The following INPP4B variants were observed in gnomAD, a reference collection of about 807,000 sequenced individuals.
INPP4B encodes the protein inositol polyphosphate 4-phosphatase type II.
Under a neutral mutation model 122.5 loss-of-function variants are expected in INPP4B, and 55 were observed. The observed-to-expected ratio is 0.45, with a 90% CI of 0.36 to 0.56. The LOEUF (loss-of-function observed/expected upper bound fraction) is 0.56. Ranked by LOEUF, INPP4B falls within the 20% of genes least tolerant of loss-of-function variation. INPP4B has a pLI of 0.00. For synonymous variants in INPP4B, 403 were observed against 388.7 expected, an observed-to-expected ratio of 1.04 and a Z score of -0.43; for missense variants, 1,000 against 1,097.7, an observed-to-expected ratio of 0.91 and a Z score of 1.26.
intron 2 of INPP4B, among the ~76,000 whole-genome samples, chr4:142,691,098 G>C (rs1760105543): frequency 6.6e-6 from 1 of 152,056 alleles, no homozygotes; most frequent in African/African-American, 2.4e-5. Context: ...ATTCCCACGA[G>C]ACCATGGAGC....
At chr4:142,125,598 A>C (rs1798307775) in intron 18 of INPP4B, among the ~76,000 whole-genome samples, 1 of 152,094 alleles carries the variant, frequency 6.6e-6, no homozygotes. Flanking sequence ...TATCTTCCTG[A>C]CAAATGCTTT....
chr4:142,417,049 G>C (rs557847039), intron 5 of INPP4B, among the ~76,000 whole-genome samples: 51 of 152,204 alleles, frequency 3.4e-4, no homozygotes, highest in African/African-American at 1.1e-3. Context: ...GGAAAGAGTA[G>C]TTCTAAGAGG....
intron 3 of INPP4B, among the ~76,000 whole-genome samples, chr4:142,434,409 A>G (rs938216721): frequency 6.6e-6 from 1 of 152,166 alleles, no homozygotes; most frequent in African/African-American, 2.4e-5. Context: ...CATTGCAAAT[A>G]TAGGAGGAAC....
intron 2 of INPP4B, among the ~76,000 whole-genome samples, chr4:142,659,827 C>G (rs1754835341): frequency 6.6e-6 from 1 of 152,118 alleles, no homozygotes; most frequent in African/African-American, 2.4e-5. Flanking sequence ...GAGGAGGACT[C>G]AATTCCACAG....
At chr4:142,557,031 C>A (rs2150102793) in intron 2 of INPP4B, among the ~76,000 whole-genome samples, 1 of 152,244 alleles carries the variant, frequency 6.6e-6, no homozygotes, top group Non-Finnish European at 1.5e-5. Context: ...TAGCCAACCT[C>A]CAATATTATA....
chr4:142,422,904 C>CAAGG (rs1298214224), intron 5 of INPP4B, among the ~76,000 whole-genome samples: 1 of 152,042 alleles, frequency 6.6e-6, no homozygotes, highest in Non-Finnish European at 1.5e-5. Flanking sequence ...TAAAATAAGG[C>CAAGG]AAGCACAGGC....
At chr4:142,415,746 A>T (rs933479236) in intron 5 of INPP4B, among the ~76,000 whole-genome samples, 1 of 152,174 alleles carries the variant, frequency 6.6e-6, no homozygotes, top group African/African-American at 2.4e-5. Context: ...AAGACTTGGA[A>T]CCAACCCAAA....
intron 1 of INPP4B, among the ~76,000 whole-genome samples, chr4:142,811,415 G>A (rs1239477102): frequency 6.6e-6 from 1 of 152,174 alleles, no homozygotes; most frequent in African/African-American, 2.4e-5. Context: ...AAGACATTAT[G>A]CCAGCCACCC....
intron 25 of INPP4B, among the ~76,000 whole-genome samples, chr4:142,057,818 C>A (rs1028724204): frequency 1.3e-5 from 2 of 152,114 alleles, no homozygotes; most frequent in African/African-American, 4.8e-5. Context: ...ACAGTGCCTA[C>A]AATTTAGCAA....
At chr4:142,253,030 T>A (rs777972688) in intron 11 of INPP4B, among the ~76,000 whole-genome samples, 1 of 152,210 alleles carries the variant, frequency 6.6e-6, no homozygotes, top group Non-Finnish European at 1.5e-5. Context: ...ATCTGTATAG[T>A]ATGTTACTGT....
In INPP4B at chr4:142,405,277, G is replaced by C. The variant is rs1370821015; in HGVS notation, c.184C>G (p.Leu62Val). 1.2e-6 allele frequency: 2 copies of C among 1,613,664 alleles called. No homozygotes were observed. Among genetic ancestry groups the C allele is most frequent in the Non-Finnish European group, 1.7e-6 (2 of 1,179,708 alleles). Residue 62 changes from leucine (L) to valine (V), a missense_variant, in exon 6 of 26, where the codon CTG becomes GTG. By Grantham distance (32) the Leu-to-Val change is conservative (BLOSUM62 1). Transcript: ENST00000262992. The part of the protein sequence containing the change: ...APVRDRKLNT[L>V]VQISVIHPVE... ...GGGTGGATTACGGAGATCTGCACCA[G>C]TGTATTCAGTTTACGATCACGGACA...
chr4:142,352,142 C>G (rs1386983470), intron 7 of INPP4B, among the ~76,000 whole-genome samples: 4 of 151,886 alleles, frequency 2.6e-5, no homozygotes, highest in South Asian at 2.1e-4. Flanking sequence ...TCCCTCCTGT[C>G]TGCCCAGCGA....
Position 142,118,565 on chromosome 4 carries a change from T to C in INPP4B, c.2135+3563A>G, listed in dbSNP as rs555205706. ...GGGAAAGGATTCCCTATTTAATAAA[T>C]GGTGCTGGGAAAACTGGCTAGCCAT... On this transcript the variant is annotated intron_variant, in intron 21 of 25. Coordinates refer to ENST00000262992, the MANE Select transcript of INPP4B (RefSeq NM_001101669.3). Among the ~76,000 whole-genome samples the C allele has an allele frequency of 3.9e-5, 6 of 152,238 alleles. No individual in the cohort carries two copies. The South Asian group carries it at 1.0e-3, about 26-fold the overall frequency.
At chr4:142,518,298 T>G (rs1825660187) in intron 2 of INPP4B, among the ~76,000 whole-genome samples, 1 of 152,106 alleles carries the variant, frequency 6.6e-6, no homozygotes, top group African/African-American at 2.4e-5. Flanking sequence ...GACAGTTCTA[T>G]CCACATAACC....
At chr4:142,102,953 C>T (rs1042044949) in intron 23 of INPP4B, among the ~76,000 whole-genome samples, 7 of 152,058 alleles carry the variant, frequency 4.6e-5, no homozygotes, top group African/African-American at 1.2e-4. Context: ...GATTCTATTG[C>T]GTTCAGCTTA....
intron 25 of INPP4B, among the ~76,000 whole-genome samples, chr4:142,063,445 A>G (rs28575818): frequency 0.026 from 3,886 of 152,272 alleles, 185 homozygotes; most frequent in African/African-American, 0.089. Context: ...AGATTCTTCC[A>G]AGACTCTTTT....
At position 142,173,698 on chromosome 4, in the gene INPP4B, C is replaced by A. The variant is rs759494292; in HGVS notation, c.1293G>T (p.Leu431=). The A allele has an allele frequency of 1.2e-6, 2 of 1,613,040 alleles. No homozygotes were observed. The highest frequency in any genetic ancestry group is 2.7e-5 in the African/African-American group (2 of 74,828). Residue 431 remains leucine, a synonymous_variant, in exon 16 of 26, where the codon CTG becomes CTT. Transcript: ENST00000262992. ...QPLIATHADL[L]LNSASQHSPD... ...GAGAATGCTGGCTTGCAGAATTAAG[C>A]AGTAGGTCTGCATGGGTTGCTATAA...
intron 7 of INPP4B, among the ~76,000 whole-genome samples, chr4:142,366,960 G>A (rs952798310): frequency 1.3e-5 from 2 of 152,124 alleles, no homozygotes; most frequent in Non-Finnish European, 2.9e-5. Context: ...GATGCAAGAA[G>A]TGCTAGTGAA....
chr4:142,438,999 C>T (rs1393258456), intron 3 of INPP4B, among the ~76,000 whole-genome samples: 2 of 152,148 alleles, frequency 1.3e-5, no homozygotes, highest in African/African-American at 4.8e-5. Flanking sequence ...AGGGAATGCA[C>T]ACTGTGGGAC....
Sources: gnomAD v4.1 joint callset for allele counts (sites outside exome capture counted in the v4.1 genomes callset) on GRCh38, gnomAD v4.1.1 for gene constraint, MANE v1.5 for transcripts, NCBI Gene and HGNC (gene_info 2026-07-23, HGNC 2026-07-21) for gene names.